Variants in SNX29 observed in about 807,000 individuals in gnomAD.
SNX29 encodes sorting nexin-29.
SNX29 carries 78 observed loss-of-function variants against 102.1 expected under a neutral mutation model. The ratio of observed to expected loss-of-function variants is 0.76; its 90% CI spans 0.64 to 0.92. The LOEUF (loss-of-function observed/expected upper bound fraction) is 0.92. SNX29 is among the 40% of genes least tolerant of loss of function. The pLI, the probability that SNX29 is intolerant of heterozygous loss-of-function variation, is 0.00. For missense variants in SNX29, 1,280 were observed against 1,061.7 expected (o/e 1.21, Z -2.86); for synonymous variants, 580 against 414.5 (o/e 1.40, Z -4.85).
intron 20 of SNX29, chr16:12,527,428 T>TATA: frequency 2.3e-6 from 1 of 438,254 alleles, no homozygotes; most frequent in South Asian, 2.1e-5. Context: ...TTATAAATTT[T>TATA]GACAGATTTT....
At chr16:12,031,941 T>A (rs1042985799) in intron 4 of SNX29, among the ~76,000 whole-genome samples, 1 of 152,174 alleles carries the variant, frequency 6.6e-6, no homozygotes, top group Non-Finnish European at 1.5e-5. Flanking sequence ...CAGTAATCAT[T>A]ACCACCATTC....
At position 12,396,398 on chromosome 16, in the gene SNX29, G is replaced by T. The variant is rs1425240762; in HGVS notation, c.1900-2048G>T. 2.6e-5 allele frequency among the ~76,000 whole-genome samples: 4 copies of T among 152,182 alleles called. No individual in the cohort carries two copies. In the East Asian group the frequency reaches 7.7e-4, roughly 29 times the overall value. Reference sequence around the variant, plus strand: ...ACTCTGTTCACTTCCAGTTGGAAATGAGGCTGCATCTAAAGGCGGTGGCGA... The same window carrying T: ...ACTCTGTTCACTTCCAGTTGGAAATTAGGCTGCATCTAAAGGCGGTGGCGA... On this transcript the variant is annotated intron_variant, in intron 16 of 20. Coordinates refer to ENST00000566228, the MANE Select transcript of SNX29 (RefSeq NM_032167.5).
At chr16:12,557,021 C>A (rs1224310702) in intron 20 of SNX29, among the ~76,000 whole-genome samples, 3 of 42,558 alleles carry the variant, frequency 7.0e-5, no homozygotes, top group Admixed American at 1.8e-4. Flanking sequence ...ATTTACCCCC[C>A]CCCCGCCCCA....
chr16:12,079,736 G>C (rs1291697282), intron 11 of SNX29, among the ~76,000 whole-genome samples: 3 of 152,168 alleles, frequency 2.0e-5, no homozygotes, highest in Non-Finnish European at 4.4e-5. Context: ...AGATGGGCTG[G>C]GGCTGGTATG....
chr16:12,441,539 G>C (rs1307491774), intron 18 of SNX29, among the ~76,000 whole-genome samples: 3 of 152,142 alleles, frequency 2.0e-5, no homozygotes, highest in African/African-American at 4.8e-5. Context: ...ACTAGTCTCT[G>C]TGTGAACGTT....
chr16:12,560,406 CCA>C (rs774527057), intron 20 of SNX29, among the ~76,000 whole-genome samples: 22 of 152,288 alleles, frequency 1.4e-4, no homozygotes, highest in Admixed American at 1.1e-3. Flanking sequence ...TCCCCAAAAG[CCA>C]CAGTGTCTGT....
At chr16:12,403,344 A>T in intron 17 of SNX29, 104 bp from the exon 18 acceptor site, 1 of 1,158,880 alleles carries the variant, frequency 8.6e-7, no homozygotes, top group Non-Finnish European at 1.2e-6. Flanking sequence ...CTTGTGCATA[A>T]TACCTCTTGG....
intron 8 of SNX29, among the ~76,000 whole-genome samples, chr16:12,061,139 C>G (rs759824898): frequency 7.9e-5 from 12 of 152,316 alleles, no homozygotes; most frequent in Admixed American, 7.8e-4. Flanking sequence ...TTCCAGGCAG[C>G]CTTCCATGAC....
At chr16:12,105,511 C>G (rs908985465) in intron 11 of SNX29, among the ~76,000 whole-genome samples, 4 of 152,098 alleles carry the variant, frequency 2.6e-5, no homozygotes, top group Admixed American at 2.6e-4. Flanking sequence ...CGTGAGCCAC[C>G]ACACCCGGCC....
intron 13 of SNX29, among the ~76,000 whole-genome samples, chr16:12,181,284 A>G (rs1938103805): frequency 6.6e-6 from 1 of 152,214 alleles, no homozygotes; most frequent in African/African-American, 2.4e-5. Context: ...ACATGTGCCC[A>G]AGGTGGTCAG....
At chr16:12,070,635 CAT>C (rs1392776192) in intron 10 of SNX29, among the ~76,000 whole-genome samples, 6 of 151,676 alleles carry the variant, frequency 4.0e-5, no homozygotes, top group Non-Finnish European at 8.8e-5. Context: ...CCACAATAAA[CAT>C]ATGTGTGCAT....
rs1468168267 is a variant in SNX29 at position 11,976,798 on chromosome 16, A to C, written c.-9A>C. ...GCGCGGCGCAGGCACCGGCCCGGGGAGAGGCACCATGAGCGGTGAGTGGCG... is the reference window on the plus strand; with the variant it reads ...GCGCGGCGCAGGCACCGGCCCGGGGCGAGGCACCATGAGCGGTGAGTGGCG... On this transcript the variant is annotated 5_prime_UTR_variant, in exon 1 of 21. Transcript: ENST00000566228. 2 of 1,377,614 alleles carry C rather than the reference A, an allele frequency of 1.5e-6. No homozygotes were observed. Among genetic ancestry groups the C allele is most frequent in the African/African-American group, 3.0e-5 (2 of 66,112 alleles). 85.3% of individuals were successfully genotyped at this position (1,377,614 alleles called of 1,614,324 possible).
chr16:12,479,108 A>C (rs775546314), intron 19 of SNX29, among the ~76,000 whole-genome samples: 17 of 152,186 alleles, frequency 1.1e-4, no homozygotes, highest in Non-Finnish European at 1.8e-4. Context: ...AGAAATGCAC[A>C]TTCTTGGGCT....
chr16:12,527,017 C>G (rs1392615650), intron 20 of SNX29: 1 of 399,946 alleles, frequency 2.5e-6, no homozygotes. Context: ...CAGTGGGAGA[C>G]TGTGGCAAAT....
At chr16:12,530,631 C>G (rs532478969) in intron 20 of SNX29, among the ~76,000 whole-genome samples, 100 of 152,124 alleles carry the variant, frequency 6.6e-4, no homozygotes, top group African/African-American at 2.2e-3. Flanking sequence ...TCTCAGCTCA[C>G]TGCAATTTCC....
intron 15 of SNX29, among the ~76,000 whole-genome samples, chr16:12,293,046 A>G (rs2079852773): frequency 6.6e-6 from 1 of 152,256 alleles, no homozygotes; most frequent in Non-Finnish European, 1.5e-5. Flanking sequence ...AATTGACACC[A>G]TTTAATAAGC....
Position 12,568,588 on chromosome 16 carries a change from C to T in SNX29, c.2401C>T (p.Arg801Trp), listed in dbSNP as rs202238833. Reference sequence around the variant, plus strand: ...CCCCAAACTGTCCCGGGGTCAGCCCCGGGAGACCCGCAACGTGGAGCCCCA... The same window carrying T: ...CCCCAAACTGTCCCGGGGTCAGCCCTGGGAGACCCGCAACGTGGAGCCCCA... ...RFPKLSRGQP[R>W]ETRNVEPQSG... The change falls in exon 21 of 21, where the codon CGG (arginine) becomes TGG (tryptophan). Residue 801 changes from arginine (R) to tryptophan (W), a missense_variant. Coordinates refer to ENST00000566228, the MANE Select transcript of SNX29 (RefSeq NM_032167.5). 30 of 1,606,578 alleles carry T rather than the reference C, an allele frequency of 1.9e-5. No homozygotes were observed. In the African/African-American group the frequency reaches 2.3e-4, roughly 12 times the overall value.
At chr16:12,123,852 A>T (rs1160825122) in intron 11 of SNX29, among the ~76,000 whole-genome samples, 1 of 152,194 alleles carries the variant, frequency 6.6e-6, no homozygotes, top group African/African-American at 2.4e-5. Context: ...CTGTCAAAAC[A>T]ACTCATCAAA....
Position 12,122,330 on chromosome 16 carries a change from G to A in SNX29, c.1403-4303G>A, listed in dbSNP as rs2054007825. On this transcript the variant is annotated intron_variant, in intron 11 of 20. Transcript: ENST00000566228. ...TGATGGGCTTGGTTTGAGTCAGTAG[G>A]TACCCTTGGTCTCACTGATTACAAG... Among the ~76,000 whole-genome samples the A allele has an allele frequency of 1.3e-5, 2 of 152,094 alleles. 1 individual carries two copies. Among genetic ancestry groups the A allele is most frequent in the South Asian group, 4.1e-4 (2 of 4,822 alleles).
Sources: gnomAD v4.1 joint callset for allele counts (sites outside exome capture counted in the v4.1 genomes callset) on GRCh38, gnomAD v4.1.1 for gene constraint, MANE v1.5 for transcripts, NCBI Gene and HGNC (gene_info 2026-07-23, HGNC 2026-07-21) for gene names.